Variants in AFF3 observed in about 807,000 individuals in gnomAD.
AFF3 encodes ALF transcription elongation factor 3, also known as AF4/FMR2 family member 3.
In AFF3, 32 loss-of-function variants were observed where a neutral mutation model predicts 129.7. That is an observed-to-expected ratio of 0.25 (90% CI 0.19 to 0.33). The LOEUF (loss-of-function observed/expected upper bound fraction) is 0.33, where lower values mean the gene tolerates loss of function less well. Among genes scored for constraint, AFF3 ranks in the 10% least tolerant of loss-of-function variants. The pLI, the probability that AFF3 is intolerant of heterozygous loss-of-function variation, is 1.00. For synonymous variants in AFF3, 644 were observed against 635.4 expected (o/e 1.01, Z -0.20); for missense variants, 1,373 against 1,592.0 (o/e 0.86, Z 2.34).
chr2:99,922,953 G>A lies in AFF3; in HGVS notation c.873+83679C>T, dbSNP rs765536962. 9.2e-5 allele frequency among the ~76,000 whole-genome samples: 14 copies of A among 152,128 alleles called. No homozygotes were observed. The East Asian group carries it at 9.6e-4, about 10-fold the overall frequency. On this transcript the variant is annotated intron_variant, in intron 7 of 24. Transcript: ENST00000672756. The stretch of plus-strand genomic sequence containing the variant: ...TGTGTCCCTAAAATGCTTCTCGAAC[G>A]TAGTATACTACATTCATGCTTATGC...
intron 4 of AFF3, among the ~76,000 whole-genome samples, chr2:100,015,216 T>G (rs182372187): frequency 6.3e-4 from 96 of 152,186 alleles, no homozygotes; most frequent in African/African-American, 2.1e-3. Context: ...TCTGATCCCT[T>G]CCTAAGAGCA....
At chr2:99,856,365 T>C (rs759191109) in intron 7 of AFF3, among the ~76,000 whole-genome samples, 23 of 151,998 alleles carry the variant, frequency 1.5e-4, no homozygotes, top group Admixed American at 2.6e-4. Flanking sequence ...ACCGGGAAAA[T>C]ATGAACTCAC....
rs367584978 is a variant in AFF3 at position 99,835,996 on chromosome 2, A to G, written c.921+1481T>C. On this transcript the variant is annotated intron_variant, in intron 8 of 24. Transcript: ENST00000672756. ...TGATTGTGACACTCAGTTTTATTCA[A>G]ATTGAATTTTGCTTTACCTAAACTC... Among the ~76,000 whole-genome samples, 20 of 152,246 alleles carry G rather than the reference A, an allele frequency of 1.3e-4. No homozygotes were observed. In the East Asian group the frequency reaches 3.5e-3, roughly 26 times the overall value.
intron 7 of AFF3, among the ~76,000 whole-genome samples, chr2:100,000,776 A>C (rs1681328391): frequency 6.6e-6 from 1 of 152,180 alleles, no homozygotes; most frequent in African/African-American, 2.4e-5. Flanking sequence ...TGAGGAATTA[A>C]ACCACTTGCT....
At chr2:99,858,894 C>G (rs1576205628) in intron 7 of AFF3, among the ~76,000 whole-genome samples, 1 of 152,296 alleles carries the variant, frequency 6.6e-6, no homozygotes, top group East Asian at 1.9e-4. Flanking sequence ...TACCCCTGAA[C>G]TTAAAAGTTA....
chr2:99,550,756 G>A lies in AFF3; in HGVS notation c.*718C>T. The A allele has an allele frequency of 4.3e-6, 1 of 233,500 alleles. No homozygotes were observed. The highest frequency in any genetic ancestry group is 5.6e-5 in the Admixed American group (1 of 17,818). The allele number at this position is 233,500 out of a possible 1,614,324, so 14.5% of individuals were successfully genotyped here. A position where few individuals can be genotyped will look rare whatever the true frequency, so the allele number is the denominator to read the frequency against. Reference sequence around the variant, plus strand: ...CAGTGCCATTTGCATACTACTTGGAGGTGGGGCTGGGAAGGGCTGTGAGTG... The same window carrying A: ...CAGTGCCATTTGCATACTACTTGGAAGTGGGGCTGGGAAGGGCTGTGAGTG... On this transcript the variant is annotated 3_prime_UTR_variant, in exon 25 of 25. Coordinates refer to ENST00000672756, the MANE Select transcript of AFF3 (RefSeq NM_001386135.1).
chr2:99,820,324 A>G (rs1385332757), intron 8 of AFF3, among the ~76,000 whole-genome samples: 1 of 152,204 alleles, frequency 6.6e-6, no homozygotes, highest in Non-Finnish European at 1.5e-5. Flanking sequence ...ACACACGGGT[A>G]AGTATGTTGT....
At chr2:100,032,635 T>G (rs1276293467) in intron 4 of AFF3, among the ~76,000 whole-genome samples, 1 of 152,182 alleles carries the variant, frequency 6.6e-6, no homozygotes, top group Non-Finnish European at 1.5e-5. Flanking sequence ...CTAGTACAAT[T>G]TTTTTCACAT....
chr2:99,840,276 G>T (rs1334473741), intron 7 of AFF3, among the ~76,000 whole-genome samples: 1 of 151,944 alleles, frequency 6.6e-6, no homozygotes, highest in African/African-American at 2.4e-5. Flanking sequence ...CTTTATGTTT[G>T]TTTTCTTTCA....
intron 7 of AFF3, among the ~76,000 whole-genome samples, chr2:99,950,288 C>T (rs1319121890): frequency 6.6e-6 from 1 of 152,114 alleles, no homozygotes; most frequent in African/African-American, 2.4e-5. Context: ...GTATTTCTGG[C>T]TGTGTGGTTG....
chr2:99,980,132 CT>C (rs1679269823), intron 7 of AFF3, among the ~76,000 whole-genome samples: 2 of 151,660 alleles, frequency 1.3e-5, no homozygotes. Flanking sequence ...TCAGCTAGTG[CT>C]TGACTTAACA....
At chr2:99,732,776 C>T (rs926922805) in intron 10 of AFF3, among the ~76,000 whole-genome samples, 6 of 152,038 alleles carry the variant, frequency 3.9e-5, no homozygotes, top group Admixed American at 6.6e-5. Flanking sequence ...GCAGGGAATC[C>T]AAAACTGATT....
chr2:100,119,073 A>G (rs1691846753), intron 2 of AFF3, among the ~76,000 whole-genome samples: 1 of 152,254 alleles, frequency 6.6e-6, no homozygotes, highest in African/African-American at 2.4e-5. Flanking sequence ...AAGTGCTGGG[A>G]TTACAGACGT....
At chr2:100,129,648 C>T (rs755459137) in intron 1 of AFF3, among the ~76,000 whole-genome samples, 7 of 152,122 alleles carry the variant, frequency 4.6e-5, no homozygotes, top group African/African-American at 1.4e-4. Flanking sequence ...TTCAGGTAAT[C>T]GGCACATTAA....
intron 10 of AFF3, among the ~76,000 whole-genome samples, chr2:99,743,192 G>A (rs1280949429): frequency 2.6e-5 from 4 of 152,110 alleles, no homozygotes; most frequent in Admixed American, 2.0e-4. Flanking sequence ...TATTGCCTCC[G>A]CACCACTGTG....
At chr2:99,628,723 A>ATTTTTTTTTTTTTTT (rs3073407) in intron 13 of AFF3, among the ~76,000 whole-genome samples, 1 of 92,430 alleles carries the variant, frequency 1.1e-5, no homozygotes, top group African/African-American at 4.7e-5. Flanking sequence ...TGCTTGACTG[A>ATTTTTTTTTTTTTTT]TTTTTTTTTT....
At chr2:99,770,324 G>T (rs756873896) in intron 8 of AFF3, among the ~76,000 whole-genome samples, 1 of 152,044 alleles carries the variant, frequency 6.6e-6, no homozygotes, top group East Asian at 1.9e-4. Flanking sequence ...ATGCCCAAAG[G>T]CCCCTCAGTC....
intron 7 of AFF3, among the ~76,000 whole-genome samples, chr2:99,920,991 A>C (rs2106247120): frequency 6.6e-6 from 1 of 152,224 alleles, no homozygotes; most frequent in East Asian, 1.9e-4. Flanking sequence ...TGAATACATA[A>C]ATGGAGGGAT....
intron 7 of AFF3, among the ~76,000 whole-genome samples, chr2:99,957,635 G>A (rs2104279385): frequency 6.6e-6 from 1 of 152,310 alleles, no homozygotes; most frequent in East Asian, 1.9e-4. Flanking sequence ...GCCCATCCAG[G>A]TTAGAAAGAT....
Sources: gnomAD v4.1 joint callset for allele counts (sites outside exome capture counted in the v4.1 genomes callset) on GRCh38, gnomAD v4.1.1 for gene constraint, MANE v1.5 for transcripts, NCBI Gene and HGNC (gene_info 2026-07-23, HGNC 2026-07-21) for gene names.